Variants in PUS7L observed in about 807,000 individuals in gnomAD.
PUS7L encodes pseudouridylate synthase PUS7L.
A neutral mutation model predicts 51.1 loss-of-function variants in PUS7L; 49 were observed. The ratio of observed to expected loss-of-function variants is 0.96; its 90% CI spans 0.76 to 1.22. PUS7L has a LOEUF of 1.22. Ranked by LOEUF, PUS7L falls within the 50% of genes most tolerant of loss-of-function variation. The pLI is 0.00. For synonymous variants in PUS7L, 277 were observed against 276.2 expected (o/e 1.00, Z -0.03); for missense variants, 828 against 820.6 (o/e 1.01, Z -0.11).
At chr12:43,751,697 C>T (rs961600473) in intron 2 of PUS7L, among the ~76,000 whole-genome samples, 5 of 152,122 alleles carry the variant, frequency 3.3e-5, no homozygotes, top group Admixed American at 3.3e-4. Context: ...ATTTATAATC[C>T]TTTGGGTATA....
intron 5 of PUS7L, among the ~76,000 whole-genome samples, chr12:43,742,112 T>C (rs1016700216): frequency 1.3e-5 from 2 of 152,232 alleles, no homozygotes; most frequent in Admixed American, 6.5e-5. Context: ...TCTGGACTTA[T>C]GTGGATTCCT....
rs771323180 is a variant in PUS7L, at chr12:43,755,010, G to C, written c.236C>G (p.Ser79Cys). The C allele has an allele frequency of 6.2e-7, 1 of 1,613,010 alleles. No homozygotes were observed. The highest frequency in any genetic ancestry group is 8.5e-7 in the Non-Finnish European group (1 of 1,179,510). Residue 79 changes from serine to cysteine, a missense_variant, in exon 2 of 9, where the codon TCC becomes TGC. Ser to Cys is a moderately radical substitution (Grantham distance 112). Transcript: ENST00000344862. ...KKPKLDLQNL[S>C]LEDGRNQEVH... ...TTCTTGGTTTCTTCCATCTTCTAAGGACAGATTTTGAAGATCTAGTTTTGG... is the reference window on the plus strand; with the variant it reads ...TTCTTGGTTTCTTCCATCTTCTAAGCACAGATTTTGAAGATCTAGTTTTGG...
intron 7 of PUS7L, 111 bp downstream of exon 7, chr12:43,736,266 AATAG>A (rs1283662780): frequency 2.1e-5 from 19 of 888,232 alleles, no homozygotes; most frequent in Middle Eastern, 2.9e-4. Flanking sequence ...TATAAGTACA[AATAG>A]ATAAATAAAT....
In PUS7L at chr12:43,745,494, C is replaced by T. The variant is rs1402696510; in HGVS notation, c.1263+552G>A. ...TTTTCCTCCTTTGCCTGGCACTTCT[C>T]CTTCCTGCCACCATGGGAAGAAGGA... On this transcript the variant is annotated intron_variant, in intron 4 of 8. Coordinates refer to ENST00000344862, the MANE Select transcript of PUS7L (RefSeq NM_031292.5). Among the ~76,000 whole-genome samples the T allele has an allele frequency of 5.9e-5, 9 of 152,262 alleles. No individual in the cohort carries two copies. The East Asian group carries it at 1.7e-3, about 29-fold the overall frequency.
chr12:43,739,659 C>A (rs1486562113), intron 5 of PUS7L: 1 of 152,166 alleles, frequency 6.6e-6, no homozygotes, highest in Non-Finnish European at 1.5e-5. Flanking sequence ...TCTCGAACTC[C>A]TGACGTTATG....
intron 4 of PUS7L, chr12:43,742,810 G>A (rs1048048982): frequency 4.3e-6 from 1 of 233,002 alleles, no homozygotes; most frequent in East Asian, 1.8e-4. Context: ...ATGTTACTGA[G>A]GGATTTCCTG....
At chr12:43,749,142 G>T (rs969362678) in intron 2 of PUS7L, among the ~76,000 whole-genome samples, 3 of 152,082 alleles carry the variant, frequency 2.0e-5, no homozygotes, top group African/African-American at 7.2e-5. Flanking sequence ...CCTTAATTTG[G>T]TATTCATATC....
In PUS7L at chr12:43,738,343, C is replaced by G; in HGVS notation, c.1411G>C (p.Val471Leu). The change falls in exon 6 of 9, where the codon GTA becomes CTA. Residue 471 changes from valine (V) to leucine (L), a missense_variant. By Grantham distance (32) the Val-to-Leu change is conservative (BLOSUM62 1). Transcript: ENST00000344862. ...FLTPEDLDDP[V>L]NRAKKYFLQT... is the part of the protein sequence containing the mutation. ...AGAAAATACTTCTTTGCTCTATTTACAGGATCATCCAAGTCTTCTGGTGTA... is the reference window on the plus strand; with the variant it reads ...AGAAAATACTTCTTTGCTCTATTTAGAGGATCATCCAAGTCTTCTGGTGTA... The G allele has an allele frequency of 6.3e-7, 1 of 1,596,054 alleles. No homozygotes were observed. The highest frequency in any genetic ancestry group is 8.6e-7 in the Non-Finnish European group (1 of 1,164,352).
At chr12:43,738,263 G>A (rs1199094375) in intron 6 of PUS7L, 47 bp downstream of exon 6, 2 of 918,540 alleles carry the variant, frequency 2.2e-6, no homozygotes, top group Non-Finnish European at 3.7e-6. Context: ...TTTATAGTGT[G>A]TATCTGTATC....
intron 7 of PUS7L, among the ~76,000 whole-genome samples, chr12:43,735,274 G>A (rs1039253251): frequency 4.6e-5 from 7 of 151,526 alleles, no homozygotes; most frequent in African/African-American, 1.5e-4. Context: ...CCGAGATCGC[G>A]CCACTGCACT....
chr12:43,744,526 G>A (rs1429762393), intron 4 of PUS7L, among the ~76,000 whole-genome samples: 1 of 152,200 alleles, frequency 6.6e-6, no homozygotes, highest in African/African-American at 2.4e-5. Context: ...ACGGAACTGT[G>A]AGTTAATTAA....
chr12:43,730,158 A>C lies in PUS7L; in HGVS notation c.*218T>G. ...TCACTGAAACATATAATAGAAAAAA[A>C]ACACAGGCTTTGGGGTCACATGGAC... is the stretch of plus-strand genomic sequence containing the variant. On this transcript the variant is annotated 3_prime_UTR_variant, in exon 9 of 9. Transcript: ENST00000344862. The C allele has an allele frequency of 7.8e-6, 4 of 513,086 alleles. No homozygotes were observed. The East Asian group carries it at 1.2e-4, about 15-fold the overall frequency. The allele number at this position is 513,086 out of a possible 1,614,324, so 31.8% of individuals were successfully genotyped here. A position where few individuals can be genotyped will look rare whatever the true frequency, so the allele number is the denominator to read the frequency against.
chr12:43,758,652 T>TGGGGGGGGGGGGG, intron 1 of PUS7L, 78 bp downstream of exon 1: 5 of 708,220 alleles, frequency 7.1e-6, no homozygotes, highest in Non-Finnish European at 7.8e-6. Context: ...GCCAACCTCG[T>TGGGGGGGGGGGGG]CACCCCCCCC....
In PUS7L at chr12:43,754,324, T is replaced by C. The variant is rs1938587563; in HGVS notation, c.910+12A>G. The C allele has an allele frequency of 3.3e-6, 5 of 1,504,184 alleles. No homozygotes were observed. Among genetic ancestry groups the C allele is most frequent in the Admixed American group, 4.3e-5 (2 of 47,048 alleles). 93.2% of individuals were successfully genotyped at this position (1,504,184 alleles called of 1,614,324 possible). ...CTTATCCAAGAAAATGGATGATGAT[T>C]TATTAAATTACCTGTATATATAACT... is the stretch of plus-strand genomic sequence containing the variant. On this transcript the variant is annotated intron_variant, in intron 2 of 8. Transcript: ENST00000344862.
intron 1 of PUS7L, chr12:43,758,187 A>G: frequency 2.5e-6 from 1 of 406,434 alleles, no homozygotes; most frequent in Non-Finnish European, 3.3e-6. Flanking sequence ...TCTTTCTCCC[A>G]GAAAAAAGGA....
rs1330931020 is a variant in PUS7L, at chr12:43,755,034, G to A, written c.212C>T (p.Pro71Leu). 6.2e-7 allele frequency: 1 copy of A among 1,612,722 alleles called. No individual in the cohort carries two copies. The highest frequency in any genetic ancestry group is 1.1e-5 in the South Asian group (1 of 90,914). The change falls in exon 2 of 9, where the codon CCA (proline) becomes CTA (leucine). Residue 71 changes from proline (P) to leucine (L), a missense_variant. Coordinates refer to ENST00000344862, the MANE Select transcript of PUS7L (RefSeq NM_031292.5). ...QLEPNNFPKK[P>L]KLDLQNLSLE... Reference sequence around the variant, plus strand: ...GGACAGATTTTGAAGATCTAGTTTTGGTTTTTTGGGAAAATTATTTGGCTC... The same window carrying A: ...GGACAGATTTTGAAGATCTAGTTTTAGTTTTTTGGGAAAATTATTTGGCTC...
intron 6 of PUS7L, among the ~76,000 whole-genome samples, chr12:43,737,067 A>T (rs1362465853): frequency 6.6e-6 from 1 of 152,202 alleles, no homozygotes; most frequent in African/African-American, 2.4e-5. Context: ...CTGGACATAA[A>T]CACAGAATTT....
In PUS7L at chr12:43,730,386, T is replaced by C. The variant is rs1944521464; in HGVS notation, c.2096A>G (p.His699Arg). The stretch of plus-strand genomic sequence containing the variant: ...CCAAGGGTATCAGTTTTAAACGTCA[T>C]GCTTCATTATTTCCTTCAGACAAAC... ...ATVCLKEIMK[H>R]DV The change falls in exon 9 of 9, where the codon CAT (histidine) becomes CGT (arginine). Residue 699 changes from histidine (H) to arginine (R), a missense_variant. Transcript: ENST00000344862. 6.2e-7 allele frequency: 1 copy of C among 1,612,984 alleles called. No individual in the cohort carries two copies. The highest frequency in any genetic ancestry group is 1.1e-5 in the South Asian group (1 of 91,054).
intron 2 of PUS7L, among the ~76,000 whole-genome samples, chr12:43,749,685 GTACATA>G (rs1938349707): frequency 6.6e-6 from 1 of 151,682 alleles, no homozygotes; most frequent in African/African-American, 2.4e-5. Flanking sequence ...AAAAAAGGTG[GTACATA>G]TACACCATGA....
Sources: allele counts gnomAD v4.1 joint callset (sites outside exome capture counted in the v4.1 genomes callset), GRCh38; gene constraint gnomAD v4.1.1; transcripts MANE v1.5; gene names NCBI Gene and HGNC (gene_info 2026-07-23, HGNC 2026-07-21).